FER: variants seen among roughly 807,000 people sequenced by gnomAD.
The protein encoded by FER is FER tyrosine kinase.
FER carries 63 observed loss-of-function variants against 111.0 expected under a neutral mutation model. The observed-to-expected ratio is 0.57, with a 90% confidence interval of 0.46 to 0.70. The LOEUF (loss-of-function observed/expected upper bound fraction) is 0.70. Among genes scored for constraint, FER ranks in the 30% least tolerant of loss-of-function variants. The pLI, the probability that FER is intolerant of heterozygous loss-of-function variation, is 0.00. For synonymous variants in FER, 327 were observed against 313.9 expected (o/e 1.04, Z -0.44); for missense variants, 914 against 954.0 (o/e 0.96, Z 0.55).
rs906988935 is a variant in FER, at chr5:108,987,535, T to A, written c.1656+28188T>A. 2.6e-5 allele frequency among the ~76,000 whole-genome samples: 4 copies of A among 152,232 alleles called. No homozygotes were observed. The East Asian group carries it at 7.7e-4, about 29-fold the overall frequency. On this transcript the variant is annotated intron_variant, in intron 13 of 19. Coordinates refer to ENST00000281092, the MANE Select transcript of FER (RefSeq NM_005246.4). ...AGGTATATTCCTAAATTTTATTTTA[T>A]TTTATTTTATTTGCAGCTATTGTAA...
intron 2 of FER, among the ~76,000 whole-genome samples, chr5:108,777,769 A>T (rs926197026): frequency 6.6e-6 from 1 of 152,232 alleles, no homozygotes; most frequent in African/African-American, 2.4e-5. Context: ...AAGGAGGAGC[A>T]AGTCACATCT....
chr5:108,776,468 G>T (rs901568294), intron 2 of FER, among the ~76,000 whole-genome samples: 1 of 151,994 alleles, frequency 6.6e-6, no homozygotes, highest in Admixed American at 6.6e-5. Context: ...TTCCATCTTT[G>T]TACTTGGAGA....
chr5:109,183,805 C>G (rs1019536528), intron 18 of FER, among the ~76,000 whole-genome samples: 1 of 152,098 alleles, frequency 6.6e-6, no homozygotes, highest in Non-Finnish European at 1.5e-5. Flanking sequence ...AACCTGTTGT[C>G]ACTGCGTTAT....
chr5:109,029,247 T>C (rs557445221), intron 13 of FER, among the ~76,000 whole-genome samples: 2 of 144,112 alleles, frequency 1.4e-5, no homozygotes, highest in Admixed American at 6.8e-5. Context: ...CTTCTTACCT[T>C]TTTTTTTTTA....
At chr5:108,869,511 G>A (rs1280142893) in intron 6 of FER, among the ~76,000 whole-genome samples, 1 of 152,094 alleles carries the variant, frequency 6.6e-6, no homozygotes, top group East Asian at 1.9e-4. Flanking sequence ...TGGATTTAGA[G>A]TAGGCCCTAA....
rs1561370506 is a variant in FER, at chr5:108,756,171, A to AAAT, written c.-206+8183_-206+8185dup. 5.9e-4 allele frequency among the ~76,000 whole-genome samples: 85 copies of AAAT among 142,874 alleles called. 1 individual carries two copies. Among genetic ancestry groups the AAAT allele is most frequent in the South Asian group, 2.0e-3 (9 of 4,520 alleles). The allele number at this position is 142,874 out of a possible 152,430, so 93.7% of individuals were successfully genotyped here. ...AACTCCATCTCAAAAAAAAAAAAAA[A>AAAT]AATAATAATAATAAATACAATAAAA... is the stretch of plus-strand genomic sequence containing the variant. On this transcript the variant is annotated intron_variant, in intron 1 of 19. Transcript: ENST00000281092.
chr5:109,133,857 T>TA (rs1349825926), intron 17 of FER, among the ~76,000 whole-genome samples: 1 of 152,138 alleles, frequency 6.6e-6, no homozygotes, highest in Non-Finnish European at 1.5e-5. Flanking sequence ...TGCTGATAGT[T>TA]ATTAAAAATA....
At chr5:108,838,069 CTG>C (rs1441571603) in intron 5 of FER, among the ~76,000 whole-genome samples, 1 of 152,002 alleles carries the variant, frequency 6.6e-6, no homozygotes, top group Non-Finnish European at 1.5e-5. Flanking sequence ...ATAATCAAAA[CTG>C]TGTTTATACT....
At chr5:108,828,423 T>C (rs1345803807) in intron 3 of FER, among the ~76,000 whole-genome samples, 1 of 152,206 alleles carries the variant, frequency 6.6e-6, no homozygotes, top group Non-Finnish European at 1.5e-5. Flanking sequence ...TAACACTTCT[T>C]TCCGTCAGTC....
In FER at chr5:109,186,340, A is replaced by ATTGT. The variant is rs1356142964; in HGVS notation, c.2326+20_2326+23dup. 1.2e-6 allele frequency: 2 copies of ATTGT among 1,614,026 alleles called. No individual in the cohort carries two copies. Among genetic ancestry groups the ATTGT allele is most frequent in the African/African-American group, 1.3e-5 (1 of 75,028 alleles). The stretch of plus-strand genomic sequence containing the variant: ...AGAAAGAGGTGAGCCAAGTACATTC[A>ATTGT]TTGTTAGTGTTCATGTCCAGCCCCA... On this transcript the variant is annotated intron_variant, in intron 19 of 19. Coordinates refer to ENST00000281092, the MANE Select transcript of FER (RefSeq NM_005246.4).
chr5:108,870,351 A>G (rs1394292646), intron 6 of FER, among the ~76,000 whole-genome samples: 5 of 152,054 alleles, frequency 3.3e-5, no homozygotes, highest in Admixed American at 3.3e-4. Context: ...TATTGCTTTA[A>G]AAGAGTTATT....
At chr5:109,119,132 T>C (rs1317408798) in intron 17 of FER, among the ~76,000 whole-genome samples, 1 of 152,204 alleles carries the variant, frequency 6.6e-6, no homozygotes, top group Non-Finnish European at 1.5e-5. Context: ...TCCTGCTTTC[T>C]CTTGTGGGCA....
intron 10 of FER, among the ~76,000 whole-genome samples, chr5:108,922,813 CAA>C (rs1395089604): frequency 6.6e-6 from 1 of 151,998 alleles, no homozygotes; most frequent in Non-Finnish European, 1.5e-5. Flanking sequence ...AGTAGAAAAA[CAA>C]AATTAATAAA....
intron 2 of FER, among the ~76,000 whole-genome samples, chr5:108,787,759 G>A (rs1187606449): frequency 6.6e-6 from 1 of 152,184 alleles, no homozygotes; most frequent in African/African-American, 2.4e-5. Flanking sequence ...CCTGTGGAAA[G>A]GAGCTGCCCA....
At chr5:108,778,963 G>A (rs6875320) in intron 2 of FER, among the ~76,000 whole-genome samples, 72,082 of 150,448 alleles carry the variant, frequency 0.48, 20,744 homozygotes, top group African/African-American at 0.82. Flanking sequence ...GCCTATGATT[G>A]ATTTTGAGTT....
chr5:108,983,103 G>A (rs577565941), intron 13 of FER, among the ~76,000 whole-genome samples: 1 of 152,122 alleles, frequency 6.6e-6, no homozygotes. Context: ...TGTTGAATGA[G>A]TGAATTGATA....
At chr5:108,990,858 T>C (rs1009620902) in intron 13 of FER, among the ~76,000 whole-genome samples, 5 of 151,822 alleles carry the variant, frequency 3.3e-5, no homozygotes, top group African/African-American at 1.2e-4. Flanking sequence ...AATATGTTTC[T>C]AGATTTACAT....
intron 10 of FER, among the ~76,000 whole-genome samples, chr5:108,910,546 A>G (rs1372327296): frequency 1.3e-5 from 2 of 152,216 alleles, no homozygotes; most frequent in Non-Finnish European, 2.9e-5. Context: ...AATATATTGT[A>G]TAATGGTGGG....
chr5:108,927,572 A>G (rs1159564527), intron 10 of FER, among the ~76,000 whole-genome samples: 1 of 152,060 alleles, frequency 6.6e-6, no homozygotes, highest in African/African-American at 2.4e-5. Context: ...AGTGGCTCTT[A>G]ATGTGGGCTT....
Sources: allele counts gnomAD v4.1 joint callset (sites outside exome capture counted in the v4.1 genomes callset), GRCh38; gene constraint gnomAD v4.1.1; transcripts MANE v1.5; gene names NCBI Gene and HGNC (gene_info 2026-07-23, HGNC 2026-07-21).